Variants in EPB41L2 observed in about 807,000 individuals in gnomAD.
EPB41L2 encodes the protein erythrocyte membrane protein band 4.1 like 2, also known as band 4.1-like protein 2.
Under a neutral mutation model 113.0 loss-of-function variants are expected in EPB41L2, and 43 were observed. That is an observed-to-expected ratio of 0.38 (90% CI 0.30 to 0.49). EPB41L2 has a LOEUF of 0.49. Among genes scored for constraint, EPB41L2 ranks in the 20% least tolerant of loss-of-function variants. EPB41L2 has a pLI of 0.95. For synonymous variants in EPB41L2, 442 were observed against 436.7 expected, an observed-to-expected ratio of 1.01 and a Z score of -0.15; for missense variants, 1,147 against 1,223.4, an observed-to-expected ratio of 0.94 and a Z score of 0.93.
At chr6:131,040,786 T>C (rs746714479) in intron 1 of EPB41L2, among the ~76,000 whole-genome samples, 2 of 152,232 alleles carry the variant, frequency 1.3e-5, no homozygotes, top group East Asian at 3.8e-4. Context: ...AAATTGGCTA[T>C]GAAAATACCC....
chr6:131,051,610 T>TG (rs1340035868), intron 1 of EPB41L2, among the ~76,000 whole-genome samples: 1 of 152,134 alleles, frequency 6.6e-6, no homozygotes, highest in East Asian at 1.9e-4. Flanking sequence ...ACTGTTTTGG[T>TG]GGGGGGCCTA....
chr6:131,043,158 G>C lies in EPB41L2; in HGVS notation c.-15+19997C>G, dbSNP rs186264918. On this transcript the variant is annotated intron_variant, in intron 1 of 19. Transcript: ENST00000337057. ...TACTAAGAATACAAAAAAATTAGCTGGGTGTAGTGGCACACTCCTGTAATT... is the reference window on the plus strand; with the variant it reads ...TACTAAGAATACAAAAAAATTAGCTCGGTGTAGTGGCACACTCCTGTAATT... Among the ~76,000 whole-genome samples the C allele has an allele frequency of 3.9e-3, 588 of 152,142 alleles. 1 individual carries two copies. The highest frequency in any genetic ancestry group is 6.4e-3 in the Non-Finnish European group (433 of 68,012).
chr6:130,975,666 C>A (rs901790954), intron 1 of EPB41L2, among the ~76,000 whole-genome samples: 1 of 152,098 alleles, frequency 6.6e-6, no homozygotes, highest in African/African-American at 2.4e-5. Flanking sequence ...AAGAAAAGAA[C>A]CAGACAACAC....
At chr6:130,848,193 TCTCTCTCACACACACA>T (rs1482361232) in intron 19 of EPB41L2, among the ~76,000 whole-genome samples, 7 of 111,672 alleles carry the variant, frequency 6.3e-5, no homozygotes, top group African/African-American at 2.8e-4. Flanking sequence ...TCTCTCTCTC[TCTCTCTCACACACACA>T]CACACACACA....
At chr6:131,031,896 T>C (rs1792230002) in intron 1 of EPB41L2, among the ~76,000 whole-genome samples, 1 of 152,226 alleles carries the variant, frequency 6.6e-6, no homozygotes, top group South Asian at 2.1e-4. Flanking sequence ...TTAAATGCCA[T>C]GAAACTCTTT....
intron 4 of EPB41L2, among the ~76,000 whole-genome samples, chr6:130,916,958 T>C (rs1481539899): frequency 6.6e-6 from 1 of 152,232 alleles, no homozygotes; most frequent in Non-Finnish European, 1.5e-5. Context: ...CTTCACTGAG[T>C]AAACCTTCTA....
At chr6:130,904,597 G>A (rs1797202161) in intron 5 of EPB41L2, 57 bp from the exon 6 acceptor site, 1 of 1,220,386 alleles carries the variant, frequency 8.2e-7, no homozygotes, top group Non-Finnish European at 1.2e-6. Flanking sequence ...TGACTATTGT[G>A]ATAAAATTTA....
intron 1 of EPB41L2, among the ~76,000 whole-genome samples, chr6:131,020,187 G>C (rs1789126468): frequency 6.6e-6 from 1 of 151,544 alleles, no homozygotes; most frequent in Non-Finnish European, 1.5e-5. Flanking sequence ...TCCTTTATTG[G>C]GTGATTTGCC....
At chr6:131,009,152 T>C (rs574153565) in intron 1 of EPB41L2, among the ~76,000 whole-genome samples, 62 of 152,244 alleles carry the variant, frequency 4.1e-4, no homozygotes, top group African/African-American at 1.4e-3. Context: ...TGGGGCCAGG[T>C]GGAGTTAAGT....
intron 3 of EPB41L2, among the ~76,000 whole-genome samples, chr6:130,927,304 C>T (rs761162764): frequency 6.6e-6 from 1 of 152,112 alleles, no homozygotes; most frequent in African/African-American, 2.4e-5. Flanking sequence ...AAATCAACTG[C>T]CCCTAAGGAC....
At chr6:130,892,000 G>A (rs9492748) in intron 10 of EPB41L2, among the ~76,000 whole-genome samples, 7,108 of 152,158 alleles carry the variant, frequency 0.047, 284 homozygotes, top group African/African-American at 0.096. Context: ...TGTAAGCAGC[G>A]TTATGCAAGG....
intron 1 of EPB41L2, among the ~76,000 whole-genome samples, chr6:131,004,251 G>C (rs988560461): frequency 6.6e-6 from 1 of 152,076 alleles, no homozygotes; most frequent in South Asian, 2.1e-4. Flanking sequence ...TTGAAGAAGG[G>C]GTGGGCACAG....
intron 3 of EPB41L2, among the ~76,000 whole-genome samples, chr6:130,954,045 T>TTTC (rs1816440824): frequency 3.6e-5 from 2 of 56,028 alleles, no homozygotes; most frequent in Admixed American, 1.6e-4. Context: ...TCTTTCTTTT[T>TTTC]TTTTTTTTTT....
At position 130,956,492 on chromosome 6, in the gene EPB41L2, A is replaced by G. The variant is rs766558487; in HGVS notation, c.-7T>C. The G allele has an allele frequency of 3.1e-6, 5 of 1,600,764 alleles. No individual in the cohort carries two copies. In the East Asian group the frequency reaches 6.7e-5, roughly 21 times the overall value. The stretch of plus-strand genomic sequence containing the variant: ...AGCCTACTTCAGTAGTCATGGCCAC[A>G]GCTTATGCTGTAATCAAAACAAAAA... On this transcript the variant is annotated 5_prime_UTR_variant, in exon 2 of 20. Transcript: ENST00000337057.
At chr6:131,018,327 C>A (rs1383904632) in intron 1 of EPB41L2, among the ~76,000 whole-genome samples, 3 of 152,070 alleles carry the variant, frequency 2.0e-5, no homozygotes, top group African/African-American at 7.2e-5. Flanking sequence ...TCTCAGAAAT[C>A]CTAAGCTCAC....
intron 1 of EPB41L2, among the ~76,000 whole-genome samples, chr6:131,043,651 T>C (rs183385376): frequency 1.3e-5 from 2 of 152,292 alleles, no homozygotes; most frequent in South Asian, 2.1e-4. Flanking sequence ...ACAATCGCAA[T>C]GTATGTACCT....
At chr6:130,938,653 C>G (rs1809739456) in intron 3 of EPB41L2, among the ~76,000 whole-genome samples, 1 of 152,128 alleles carries the variant, frequency 6.6e-6, no homozygotes, top group Non-Finnish European at 1.5e-5. Context: ...AAAAATCCAG[C>G]CCTCTAGCCT....
At chr6:131,041,862 T>C (rs926833544) in intron 1 of EPB41L2, among the ~76,000 whole-genome samples, 10 of 152,184 alleles carry the variant, frequency 6.6e-5, no homozygotes, top group African/African-American at 1.9e-4. Context: ...ATAGAAGCAT[T>C]TATGAAACAA....
chr6:130,869,366 G>A (rs189265600), intron 15 of EPB41L2, among the ~76,000 whole-genome samples, 197 bp downstream of exon 15: 1 of 152,262 alleles, frequency 6.6e-6, no homozygotes, highest in Non-Finnish European at 1.5e-5. Context: ...TCCAGTGGCC[G>A]CAGAGAAGCT....
Sources: gnomAD v4.1 joint callset for allele counts (sites outside exome capture counted in the v4.1 genomes callset) on GRCh38, gnomAD v4.1.1 for gene constraint, MANE v1.5 for transcripts, NCBI Gene and HGNC (gene_info 2026-07-23, HGNC 2026-07-21) for gene names.